The following EFCAB13 variants were observed in gnomAD, a reference collection of about 807,000 sequenced individuals.
EFCAB13 encodes the protein EF-hand calcium binding domain 13, also known as EF-hand calcium-binding domain-containing protein 13.
EFCAB13 carries 91 observed loss-of-function variants against 110.2 expected under a neutral mutation model. The observed-to-expected ratio is 0.83, with a 90% CI of 0.70 to 0.98. EFCAB13 has a LOEUF of 0.98. Among genes scored for constraint, EFCAB13 ranks in the 50% least tolerant of loss-of-function variants. The probability of loss-of-function intolerance (pLI) is 0.00; values close to 1 mark genes in which losing one functional copy is unlikely to be tolerated. For missense variants in EFCAB13, 968 were observed against 1,119.4 expected (o/e 0.86, Z 1.93); for synonymous variants, 323 against 369.9 (o/e 0.87, Z 1.45).
In EFCAB13 at chr17:47,351,279, C is replaced by CTGTGTGTGTGTGTGTGTGTGTGTGTGTG. The variant is rs140772791; in HGVS notation, c.661+3354_661+3355insTGTGTGTGTGTGTGTGTGTGTGTGTGTG. Among the ~76,000 whole-genome samples, 197 of 127,964 alleles carry CTGTGTGTGTGTGTGTGTGTGTGTGTGTG rather than the reference C, an allele frequency of 1.5e-3. 4 individuals are homozygous for CTGTGTGTGTGTGTGTGTGTGTGTGTGTG. The highest frequency in any genetic ancestry group is 2.2e-3 in the Non-Finnish European group (136 of 60,944). The allele number at this position is 127,964 out of a possible 152,430, so 83.9% of individuals were successfully genotyped here. A position where few individuals can be genotyped will look rare whatever the true frequency, so the allele number is the denominator to read the frequency against. On this transcript the variant is annotated intron_variant, in intron 9 of 24. Transcript: ENST00000331493. ...TTTTCTGTGGCTGACTAGTATTCCA[C>CTGTGTGTGTGTGTGTGTGTGTGTGTGTG]TGTGTGTGTGTGTGTGTGTGTGTGT...
In EFCAB13 at chr17:47,391,424, C is replaced by A; in HGVS notation, c.1583-13C>A. 6.5e-7 allele frequency: 1 copy of A among 1,532,468 alleles called. No homozygotes were observed. The highest frequency in any genetic ancestry group is 1.3e-5 in the South Asian group (1 of 74,562). The allele number at this position is 1,532,468 out of a possible 1,614,324, so 94.9% of individuals were successfully genotyped here. A position where few individuals can be genotyped will look rare whatever the true frequency, so the allele number is the denominator to read the frequency against. On this transcript the variant is annotated splice_polypyrimidine_tract_variant and intron_variant, in intron 14 of 24. Transcript: ENST00000331493. ...TATATTTAATACTTATTAGCATACT[C>A]CTTTATTTTTAGCGTTGCCTGGTGT... is the stretch of plus-strand genomic sequence containing the variant.
At chr17:47,426,265 TGCTACTTGAATAA>T in intron 23 of EFCAB13, among the ~76,000 whole-genome samples, 2 of 152,372 alleles carry the variant, frequency 1.3e-5, no homozygotes, top group African/African-American at 4.8e-5. Context: ...CTTTAAGTAC[TGCTACTTGAATAA>T]CTCAGTTAAG....
chr17:47,429,162 T>C (rs2143515945), intron 23 of EFCAB13, among the ~76,000 whole-genome samples: 1 of 152,300 alleles, frequency 6.6e-6, no homozygotes, highest in East Asian at 1.9e-4. Context: ...AAGCTACTCA[T>C]GTCAACAAAG....
chr17:47,439,179 T>TTG (rs1204857414), intron 24 of EFCAB13, among the ~76,000 whole-genome samples: 2 of 127,396 alleles, frequency 1.6e-5, no homozygotes, highest in African/African-American at 2.8e-5. Context: ...TTGTTTTTTT[T>TTG]TTTTTTTTTT....
rs769629653 is a variant in EFCAB13 at position 47,402,222 on chromosome 17, A to G, written c.2017+19A>G. 10 of 1,602,906 alleles carry G rather than the reference A, an allele frequency of 6.2e-6. No individual in the cohort carries two copies. Among genetic ancestry groups the G allele is most frequent in the South Asian group, 5.5e-5 (5 of 90,706 alleles). Reference sequence around the variant, plus strand: ...TTAGAAGGTAAGTACTGAATTATTTATAACGGTTAGATTTACTTTTATTGA... The same window carrying G: ...TTAGAAGGTAAGTACTGAATTATTTGTAACGGTTAGATTTACTTTTATTGA... On this transcript the variant is annotated intron_variant, in intron 18 of 24. Coordinates refer to ENST00000331493, the MANE Select transcript of EFCAB13 (RefSeq NM_152347.5).
intron 9 of EFCAB13, among the ~76,000 whole-genome samples, chr17:47,359,356 A>T (rs963520884): frequency 2.6e-5 from 4 of 151,942 alleles, no homozygotes; most frequent in African/African-American, 7.3e-5. Context: ...TTAATTAATT[A>T]AAAAAAAGAC....
intron 9 of EFCAB13, among the ~76,000 whole-genome samples, chr17:47,356,129 C>T (rs2065479422): frequency 6.6e-6 from 1 of 151,726 alleles, no homozygotes; most frequent in South Asian, 2.1e-4. Context: ...TTAGACTTCA[C>T]CTTTCTCTGG....
intron 14 of EFCAB13, among the ~76,000 whole-genome samples, chr17:47,382,604 A>G (rs1430246538): frequency 2.0e-5 from 3 of 152,102 alleles, no homozygotes; most frequent in Admixed American, 6.6e-5. Flanking sequence ...TTCTGCATCT[A>G]TTGAGATAAT....
chr17:47,405,187 C>T (rs767272341), intron 20 of EFCAB13, among the ~76,000 whole-genome samples: 5 of 152,090 alleles, frequency 3.3e-5, no homozygotes, highest in Non-Finnish European at 7.4e-5. Flanking sequence ...GAGGAATGAA[C>T]TATAATTTTG....
chr17:47,414,833 A>G lies in EFCAB13; in HGVS notation c.2423-15A>G, dbSNP rs755654113. The G allele has an allele frequency of 5.1e-5, 79 of 1,560,000 alleles. No individual in the cohort carries two copies. The highest frequency in any genetic ancestry group is 6.2e-5 in the Non-Finnish European group (70 of 1,137,970). On this transcript the variant is annotated splice_polypyrimidine_tract_variant and intron_variant, in intron 22 of 24. Transcript: ENST00000331493. ...CAGGTTTTTAATGTCAGCATTTTTTACTTTGACCTTCCAGATAATATGGAG... is the reference window on the plus strand; with the variant it reads ...CAGGTTTTTAATGTCAGCATTTTTTGCTTTGACCTTCCAGATAATATGGAG...
At chr17:47,426,670 AT>A (rs1904972659) in intron 23 of EFCAB13, among the ~76,000 whole-genome samples, 1 of 152,196 alleles carries the variant, frequency 6.6e-6, no homozygotes, top group Non-Finnish European at 1.5e-5. Flanking sequence ...TGTATTAAAA[AT>A]AAACTTCCCT....
intron 9 of EFCAB13, among the ~76,000 whole-genome samples, chr17:47,351,524 A>G (rs1371675095): frequency 2.0e-5 from 3 of 152,254 alleles, no homozygotes; most frequent in African/African-American, 7.2e-5. Flanking sequence ...TCTTTGAGAA[A>G]TCTCCACACT....
chr17:47,382,696 T>C (rs191269748), intron 14 of EFCAB13, among the ~76,000 whole-genome samples: 4 of 152,288 alleles, frequency 2.6e-5, no homozygotes, highest in South Asian at 2.1e-4. Context: ...CAGTATTTTA[T>C]TGAGATTTTC....
chr17:47,354,960 A>T (rs1055552476), intron 9 of EFCAB13, among the ~76,000 whole-genome samples: 6 of 152,164 alleles, frequency 3.9e-5, no homozygotes, highest in Non-Finnish European at 5.9e-5. Context: ...TTATTGTTTT[A>T]TAGGTCCTGT....
intron 20 of EFCAB13, among the ~76,000 whole-genome samples, chr17:47,406,394 C>T (rs1157765811): frequency 6.6e-6 from 1 of 152,146 alleles, no homozygotes; most frequent in African/African-American, 2.4e-5. Flanking sequence ...CAGGCATGAA[C>T]CACGCCCGGC....
intron 9 of EFCAB13, among the ~76,000 whole-genome samples, chr17:47,355,099 T>C (rs572180527): frequency 3.9e-5 from 6 of 152,220 alleles, no homozygotes; most frequent in Non-Finnish European, 8.8e-5. Context: ...TCTCTCAGCA[T>C]TTGTTTGAAA....
rs1407030674 is a variant in EFCAB13 at position 47,374,463 on chromosome 17, C to T, written c.878-9C>T. The T allele has an allele frequency of 3.4e-6, 5 of 1,468,156 alleles. No homozygotes were observed. The highest frequency in any genetic ancestry group is 4.5e-6 in the Non-Finnish European group (5 of 1,104,706). 90.9% of individuals were successfully genotyped at this position (1,468,156 alleles called of 1,614,324 possible). On this transcript the variant is annotated splice_polypyrimidine_tract_variant and intron_variant, in intron 11 of 24. Transcript: ENST00000331493. ...GTAAATGAAATAATTGTATATTTCT[C>T]TTATTTAGCAATTACAGAAGGATCA...
chr17:47,358,654 C>G (rs2065493776), intron 9 of EFCAB13, among the ~76,000 whole-genome samples: 1 of 152,054 alleles, frequency 6.6e-6, no homozygotes, highest in African/African-American at 2.4e-5. Context: ...TGGAATGGGA[C>G]TGTTACATTT....
Position 47,370,900 on chromosome 17 carries a change from C to A in EFCAB13, c.877+392C>A, listed in dbSNP as rs1598737685. Among the ~76,000 whole-genome samples, 3 of 151,466 alleles carry A rather than the reference C, an allele frequency of 2.0e-5. No individual in the cohort carries two copies. In the South Asian group the frequency reaches 6.3e-4, roughly 32 times the overall value. On this transcript the variant is annotated intron_variant, in intron 11 of 24. Transcript: ENST00000331493. ...GGGATTACAGGCATATGCCACCATGCCCAGCTAGTTTTGTATTTTTAGTAG... is the reference window on the plus strand; with the variant it reads ...GGGATTACAGGCATATGCCACCATGACCAGCTAGTTTTGTATTTTTAGTAG...
Sources: gnomAD v4.1 joint callset for allele counts (sites outside exome capture counted in the v4.1 genomes callset) on GRCh38, gnomAD v4.1.1 for gene constraint, MANE v1.5 for transcripts, NCBI Gene and HGNC (gene_info 2026-07-23, HGNC 2026-07-21) for gene names.